FKTN: variants seen among roughly 807,000 people sequenced by gnomAD.
FKTN encodes the protein ribitol-5-phosphate transferase FKTN.
A neutral mutation model predicts 58.6 loss-of-function variants in FKTN; 47 were observed. The ratio of observed to expected loss-of-function variants is 0.80; its 90% confidence interval spans 0.63 to 1.02. The LOEUF (loss-of-function observed/expected upper bound fraction) is 1.02, where lower values mean the gene tolerates loss of function less well. FKTN is among the 50% of genes least tolerant of loss of function. FKTN has a pLI of 0.00. For missense variants in FKTN, 516 were observed against 537.3 expected, an observed-to-expected ratio of 0.96 and a Z score of 0.39; for synonymous variants, 178 against 191.9, an observed-to-expected ratio of 0.93 and a Z score of 0.60.
At chr9:105,600,976 A>T (rs1487357249) in intron 4 of FKTN, 169 bp from the exon 5 acceptor site, 1 of 571,176 alleles carries the variant, frequency 1.8e-6, no homozygotes, top group Non-Finnish European at 3.1e-6. Context: ...TATTGAGAGC[A>T]GAGACCATAT....
At chr9:105,581,991 T>G (rs950167875) in intron 3 of FKTN, among the ~76,000 whole-genome samples, 1 of 152,140 alleles carries the variant, frequency 6.6e-6, no homozygotes, top group African/African-American at 2.4e-5. Flanking sequence ...ACCTTGCGCT[T>G]CCCAGGTGAG....
chr9:105,585,613 A>G (rs997319), intron 3 of FKTN, among the ~76,000 whole-genome samples: 19,347 of 152,172 alleles, frequency 0.13, 1,602 homozygotes, highest in East Asian at 0.46. Context: ...TTAGTGAAGT[A>G]TAGATGCATC....
At chr9:105,626,981 C>CTTTTTTTTTTTTTTTT (rs60710867) in intron 10 of FKTN, among the ~76,000 whole-genome samples, 1 of 128,032 alleles carries the variant, frequency 7.8e-6, no homozygotes, top group African/African-American at 3.0e-5. Context: ...CTTCTTTATT[C>CTTTTTTTTTTTTTTTT]TTTTTTTTTT....
chr9:105,620,947 TAAGA>T (rs1231707654), intron 10 of FKTN, among the ~76,000 whole-genome samples: 2 of 152,124 alleles, frequency 1.3e-5, no homozygotes, highest in Non-Finnish European at 2.9e-5. Context: ...ACCTTTTTTC[TAAGA>T]AAGATAATTT....
intron 10 of FKTN, among the ~76,000 whole-genome samples, chr9:105,628,926 G>A (rs1346681192): frequency 2.0e-5 from 3 of 152,204 alleles, no homozygotes. Flanking sequence ...TTGCTTGACT[G>A]ACAAGGGGCA....
In FKTN at chr9:105,640,227, A is replaced by G. The variant is rs1348581131; in HGVS notation, c.*4963A>G. 7 of 1,422,910 alleles carry G rather than the reference A, an allele frequency of 4.9e-6. No individual in the cohort carries two copies. Among genetic ancestry groups the G allele is most frequent in the Non-Finnish European group, 5.5e-6 (6 of 1,081,634 alleles). The allele number at this position is 1,422,910 out of a possible 1,614,324, so 88.1% of individuals were successfully genotyped here. A position where few individuals can be genotyped will look rare whatever the true frequency, so the allele number is the denominator to read the frequency against. On this transcript the variant is annotated 3_prime_UTR_variant, in exon 11 of 11. Transcript: ENST00000357998. ...ACCTTTTGTATAGGTCCTGTGCTTA[A>G]AGGAGGCAAGTATAAATTTTCTAAT...
At position 105,615,299 on chromosome 9, in the gene FKTN, G is replaced by A; in HGVS notation, c.802G>A (p.Val268Met). 6.2e-7 allele frequency: 1 copy of A among 1,614,028 alleles called. No individual in the cohort carries two copies. Among genetic ancestry groups the A allele is most frequent in the South Asian group, 1.1e-5 (1 of 91,084 alleles). ...FFQQYLDDNT[V>M]EAVAFRKSAK... The stretch of plus-strand genomic sequence containing the variant: ...GTAGCAGTACCTTGATGATAACACT[G>A]TGGAAGCTGTGGCCTTTCGGAAGAG... Residue 268 changes from valine (V) to methionine (M), a missense_variant, in exon 8 of 11, where the codon GTG becomes ATG. Coordinates refer to ENST00000357998, the MANE Select transcript of FKTN (RefSeq NM_001079802.2).
intron 7 of FKTN, among the ~76,000 whole-genome samples, chr9:105,612,734 G>T (rs1830157324): frequency 6.6e-6 from 1 of 152,204 alleles, no homozygotes; most frequent in African/African-American, 2.4e-5. Context: ...GGAGGCCAAG[G>T]CGGGTGGATT....
Position 105,639,435 on chromosome 9 carries a change from G to C in FKTN, c.*4171G>C. On this transcript the variant is annotated 3_prime_UTR_variant, in exon 11 of 11. Coordinates refer to ENST00000357998, the MANE Select transcript of FKTN (RefSeq NM_001079802.2). ...TCTCAATTTCCACATTAGTGAACTG[G>C]GGAAATGATACATACTTCTAAGGGT... 1 of 582,460 alleles carries C rather than the reference G, an allele frequency of 1.7e-6. No individual in the cohort carries two copies. The allele number at this position is 582,460 out of a possible 1,614,324, so 36.1% of individuals were successfully genotyped here. A position where few individuals can be genotyped will look rare whatever the true frequency, so the allele number is the denominator to read the frequency against.
At chr9:105,634,891 A>G (rs377320805) in intron 10 of FKTN, among the ~76,000 whole-genome samples, 160 bp from the exon 11 acceptor site, 190 of 152,322 alleles carry the variant, frequency 1.2e-3, no homozygotes, top group African/African-American at 4.3e-3. Context: ...GGAGAAGAGG[A>G]AAGGGATTCT....
intron 3 of FKTN, among the ~76,000 whole-genome samples, chr9:105,590,015 G>A (rs1475837674): frequency 2.0e-5 from 3 of 152,154 alleles, no homozygotes; most frequent in Non-Finnish European, 1.5e-5. Context: ...TGGGAAACAG[G>A]AAGGTTTTGA....
At chr9:105,596,365 T>C (rs962451665) in intron 3 of FKTN, among the ~76,000 whole-genome samples, 4 of 152,214 alleles carry the variant, frequency 2.6e-5, no homozygotes, top group Non-Finnish European at 4.4e-5. Flanking sequence ...ATGTCTACCT[T>C]ATTATTTAAT....
rs115968844 is a variant in FKTN, at chr9:105,560,522, C to G, written c.-181+2357C>G. ...CTTATGAAAATAATATATGCTTATA[C>G]AAATATTGGAACAATATAGAAAAGT... On this transcript the variant is annotated intron_variant, in intron 1 of 10. Transcript: ENST00000357998. Among the ~76,000 whole-genome samples the G allele has an allele frequency of 9.0e-3, 1,376 of 152,202 alleles. 20 individuals are homozygous for G. The highest frequency in any genetic ancestry group is 0.032 in the African/African-American group (1,317 of 41,494).
chr9:105,599,660 C>T (rs778699054), intron 4 of FKTN, among the ~76,000 whole-genome samples: 5 of 151,846 alleles, frequency 3.3e-5, no homozygotes, highest in South Asian at 2.1e-4. Flanking sequence ...CACACCACCA[C>T]GCCCGGCTAA....
chr9:105,566,971 G>A (rs1345707976), intron 1 of FKTN, among the ~76,000 whole-genome samples: 17 of 152,136 alleles, frequency 1.1e-4, no homozygotes, highest in Admixed American at 1.1e-3. Flanking sequence ...TTCATCCCCA[G>A]GATGCAAGGC....
chr9:105,565,274 A>G (rs79576955), intron 1 of FKTN, among the ~76,000 whole-genome samples: 1 of 152,206 alleles, frequency 6.6e-6, no homozygotes, highest in African/African-American at 2.4e-5. Context: ...CATCATAATG[A>G]CAGGATCAAA....
intron 5 of FKTN, 61 bp from the exon 6 acceptor site, chr9:105,604,154 G>T (rs1828417024): frequency 1.3e-6 from 2 of 1,544,388 alleles, no homozygotes; most frequent in South Asian, 1.1e-5. Flanking sequence ...ACTAGTATTT[G>T]GCTTTAAATA....
At chr9:105,585,763 T>G (rs368918260) in intron 3 of FKTN, among the ~76,000 whole-genome samples, 2 of 152,224 alleles carry the variant, frequency 1.3e-5, no homozygotes, top group East Asian at 3.8e-4. Flanking sequence ...ATAAATAAAT[T>G]CATGTAAAAA....
intron 5 of FKTN, chr9:105,603,589 T>C (rs1029382139): frequency 5.9e-5 from 9 of 152,420 alleles, no homozygotes; most frequent in African/African-American, 1.9e-4. Context: ...TAAATCAACA[T>C]TTACTTTATA....
Sources: allele counts gnomAD v4.1 joint callset (sites outside exome capture counted in the v4.1 genomes callset), GRCh38; gene constraint gnomAD v4.1.1; transcripts MANE v1.5; gene names NCBI Gene and HGNC (gene_info 2026-07-23, HGNC 2026-07-21).